SPATA17: variants seen among roughly 807,000 people sequenced by gnomAD.
SPATA17 encodes spermatogenesis-associated protein 17.
In SPATA17, 53 loss-of-function variants were observed where a neutral mutation model predicts 62.2. The observed-to-expected ratio is 0.85, with a 90% CI of 0.68 to 1.07. The LOEUF (loss-of-function observed/expected upper bound fraction) is 1.07. Ranked by LOEUF, SPATA17 falls within the 50% of genes least tolerant of loss-of-function variation. The pLI is 0.00. For synonymous variants in SPATA17, 146 were observed against 146.8 expected, an observed-to-expected ratio of 0.99 and a Z score of 0.04; for missense variants, 466 against 425.5, an observed-to-expected ratio of 1.10 and a Z score of -0.84.
intron 9 of SPATA17, among the ~76,000 whole-genome samples, chr1:217,837,575 C>CT (rs1179351456): frequency 2.0e-5 from 3 of 151,990 alleles, no homozygotes; most frequent in African/African-American, 2.4e-5. Context: ...GGAAAATGGT[C>CT]TTTTTTGTTT....
At chr1:217,668,769 T>C (rs1380919736) in intron 3 of SPATA17, among the ~76,000 whole-genome samples, 2 of 152,190 alleles carry the variant, frequency 1.3e-5, no homozygotes, top group Non-Finnish European at 2.9e-5. Context: ...TAGAGCACCA[T>C]TGATTATCAA....
intron 5 of SPATA17, among the ~76,000 whole-genome samples, chr1:217,728,415 T>C (rs2102939516): frequency 6.6e-6 from 1 of 152,266 alleles, no homozygotes; most frequent in African/African-American, 2.4e-5. Context: ...TGATAAAGAA[T>C]GAATAGTTAT....
intron 4 of SPATA17, among the ~76,000 whole-genome samples, chr1:217,671,733 G>A (rs955928370): frequency 3.3e-5 from 5 of 152,288 alleles, no homozygotes; most frequent in African/African-American, 1.2e-4. Flanking sequence ...AGTGAGGGGA[G>A]CGAAGACTTA....
intron 3 of SPATA17, among the ~76,000 whole-genome samples, chr1:217,659,655 T>G (rs1360822613): frequency 6.6e-6 from 1 of 152,110 alleles, no homozygotes; most frequent in Non-Finnish European, 1.5e-5. Flanking sequence ...ATCCACATAC[T>G]AAATACTAAA....
chr1:217,731,144 T>C (rs1672395315), intron 5 of SPATA17, among the ~76,000 whole-genome samples: 1 of 152,160 alleles, frequency 6.6e-6, no homozygotes, highest in South Asian at 2.1e-4. Context: ...CTGCATTCCT[T>C]GTGTACTCTA....
intron 1 of SPATA17, among the ~76,000 whole-genome samples, chr1:217,639,604 A>T (rs1263433055): frequency 6.6e-6 from 1 of 152,232 alleles, no homozygotes; most frequent in African/African-American, 2.4e-5. Context: ...TTTAATTAAG[A>T]CAAATTAATC....
chr1:217,794,578 T>C (rs1483603898), intron 8 of SPATA17, among the ~76,000 whole-genome samples: 1 of 152,210 alleles, frequency 6.6e-6, no homozygotes, highest in African/African-American at 2.4e-5. Flanking sequence ...AATTGAAAAG[T>C]AATTAAAAAT....
intron 8 of SPATA17, among the ~76,000 whole-genome samples, chr1:217,792,010 G>A (rs1465867929): frequency 6.6e-6 from 1 of 152,078 alleles, no homozygotes; most frequent in Non-Finnish European, 1.5e-5. Flanking sequence ...CACACTGGAA[G>A]AAGAAGAAGA....
At chr1:217,811,674 C>T (rs947590412) in intron 9 of SPATA17, among the ~76,000 whole-genome samples, 18 of 141,324 alleles carry the variant, frequency 1.3e-4, no homozygotes, top group African/African-American at 4.7e-4. Flanking sequence ...GCCTGGGCAA[C>T]AGAGTGAGAC....
rs112872112 is a variant in SPATA17 at position 217,658,736 on chromosome 1, C to T, written c.240+7558C>T. Reference sequence around the variant, plus strand: ...TCTCACCACTGCACTCCAGCCTGGGCGACAGAGCGAGACTCTATCTCAAAA... The same window carrying T: ...TCTCACCACTGCACTCCAGCCTGGGTGACAGAGCGAGACTCTATCTCAAAA... On this transcript the variant is annotated intron_variant, in intron 3 of 10. Transcript: ENST00000366933. Among the ~76,000 whole-genome samples, 1,323 of 151,784 alleles carry T rather than the reference C, an allele frequency of 8.7e-3. 21 individuals are homozygous for T. Among genetic ancestry groups the T allele is most frequent in the African/African-American group, 0.03 (1,235 of 41,354 alleles).
intron 4 of SPATA17, among the ~76,000 whole-genome samples, chr1:217,679,188 A>G (rs1671019666): frequency 6.6e-6 from 1 of 152,170 alleles, no homozygotes; most frequent in African/African-American, 2.4e-5. Context: ...TTTAAACTAA[A>G]GAACACGCAT....
At chr1:217,774,681 C>G in intron 7 of SPATA17, 144 bp downstream of exon 7, 1 of 679,192 alleles carries the variant, frequency 1.5e-6, no homozygotes, top group Non-Finnish European at 2.4e-6. Flanking sequence ...GTGCAATCAG[C>G]TGTCGCTAGA....
rs1254845591 is a variant in SPATA17, at chr1:217,651,165, A to G, written c.227A>G (p.Gln76Arg). 1.2e-6 allele frequency: 2 copies of G among 1,608,042 alleles called. No individual in the cohort carries two copies. The highest frequency in any genetic ancestry group is 3.4e-5 in the Admixed American group (2 of 58,938). ...AGTTTCTTAGGCAGAAAGCAATATC[A>G]ACTAACTGTGCAGGTAAATATAAAA... Reference protein sequence around the residue: ...WRSFLGRKQYQLTVQVAYYTM... With the variant: ...WRSFLGRKQYRLTVQVAYYTM... The change falls in exon 3 of 11, where the codon CAA becomes CGA. Residue 76 changes from glutamine (Q) to arginine (R), a missense_variant. Physicochemically the swap from Gln to Arg is conservative, Grantham distance 43 (BLOSUM62 1). Coordinates refer to ENST00000366933, the MANE Select transcript of SPATA17 (RefSeq NM_138796.4).
chr1:217,673,079 A>G (rs1034094861), intron 4 of SPATA17, among the ~76,000 whole-genome samples: 6 of 152,114 alleles, frequency 3.9e-5, no homozygotes, highest in African/African-American at 4.8e-5. Context: ...GTTTGTTGCA[A>G]CTTATTTAAG....
intron 4 of SPATA17, among the ~76,000 whole-genome samples, chr1:217,670,557 A>G (rs904272338): frequency 1.6e-4 from 24 of 152,218 alleles, no homozygotes; most frequent in African/African-American, 5.5e-4. Context: ...CAATTTTCCA[A>G]TAGCATCATC....
At chr1:217,749,701 A>G (rs1672853896) in intron 6 of SPATA17, among the ~76,000 whole-genome samples, 1 of 151,594 alleles carries the variant, frequency 6.6e-6, no homozygotes. Context: ...AACCCAATAT[A>G]TTTACCACCA....
chr1:217,802,808 T>C (rs981204143), intron 9 of SPATA17, among the ~76,000 whole-genome samples: 3 of 152,202 alleles, frequency 2.0e-5, no homozygotes, highest in Non-Finnish European at 1.5e-5. Flanking sequence ...TGAATGCAAA[T>C]ACATTCTTTC....
At chr1:217,854,175 C>T (rs954669994) in intron 9 of SPATA17, among the ~76,000 whole-genome samples, 5 of 152,274 alleles carry the variant, frequency 3.3e-5, no homozygotes, top group African/African-American at 1.2e-4. Context: ...TGAAGTATGG[C>T]TGCTGGGATT....
chr1:217,673,372 C>T (rs1288722708), intron 4 of SPATA17, among the ~76,000 whole-genome samples: 1 of 152,082 alleles, frequency 6.6e-6, no homozygotes, highest in African/African-American at 2.4e-5. Flanking sequence ...CAATAAATTG[C>T]TCAGTAAATT....
Sources: allele counts gnomAD v4.1 joint callset (sites outside exome capture counted in the v4.1 genomes callset), GRCh38; gene constraint gnomAD v4.1.1; transcripts MANE v1.5; gene names NCBI Gene and HGNC (gene_info 2026-07-23, HGNC 2026-07-21).